SCAF11: variants seen among roughly 807,000 people sequenced by gnomAD.
SCAF11 encodes the protein protein SCAF11.
SCAF11 carries 47 observed loss-of-function variants against 140.5 expected under a neutral mutation model. That is an observed-to-expected ratio of 0.33 (90% CI 0.26 to 0.43). The LOEUF is 0.43. SCAF11 is among the 20% of genes least tolerant of loss of function. The pLI is 1.00. For missense variants in SCAF11, 1,645 were observed against 1,705.1 expected (o/e 0.96, Z 0.62); for synonymous variants, 557 against 579.4 (o/e 0.96, Z 0.55).
intron 6 of SCAF11, among the ~76,000 whole-genome samples, chr12:45,941,403 C>T (rs1405366061): frequency 6.6e-6 from 1 of 152,162 alleles, no homozygotes; most frequent in Non-Finnish European, 1.5e-5. Context: ...AGTTACCATT[C>T]TCCCTTTTTC....
intron 2 of SCAF11, 29 bp from the exon 3 acceptor site, chr12:45,961,886 T>C: frequency 6.4e-7 from 1 of 1,561,146 alleles, no homozygotes; most frequent in Non-Finnish European, 8.7e-7. Context: ...CATATGTGCT[T>C]TCAAGTTCTC....
At position 45,928,143 on chromosome 12, in the gene SCAF11, C is replaced by G. The variant is rs1389715409; in HGVS notation, c.1558G>C (p.Gly520Arg). 1 of 1,613,962 alleles carries G rather than the reference C, an allele frequency of 6.2e-7. No homozygotes were observed. The highest frequency in any genetic ancestry group is 8.5e-7 in the Non-Finnish European group (1 of 1,179,980). ...TGGTCTTGCTTTTCCAATGGATCAC[C>G]TCCTTTTTCAAGAATATTTTCAGAA... ...EISENILEKG[G>R]DPLEKQDQIS... Residue 520 changes from glycine (G) to arginine (R), a missense_variant, in exon 11 of 15, where the codon GGT becomes CGT. Around this residue, in one of 2 missense-constraint regions of SCAF11, gnomAD observed 1,582 missense variants for 1,609.2 expected, o/e 0.98. Coordinates refer to ENST00000369367, the MANE Select transcript of SCAF11 (RefSeq NM_004719.3).
rs753979039 is a variant in SCAF11, at chr12:45,925,023, G to C, written c.3611C>G (p.Pro1204Arg). 4.3e-6 allele frequency: 7 copies of C among 1,613,998 alleles called. No individual in the cohort carries two copies. In the South Asian group the frequency reaches 6.6e-5, roughly 15 times the overall value. Residue 1204 changes from proline (P) to arginine (R), a missense_variant, in exon 12 of 15, where the codon CCT becomes CGT. Pro to Arg is a moderately radical substitution (Grantham distance 103). Around this residue, in one of 2 missense-constraint regions of SCAF11, gnomAD observed 1,582 missense variants for 1,609.2 expected, o/e 0.98. Transcript: ENST00000369367. The stretch of plus-strand genomic sequence containing the variant: ...CATTTGCGGTTGCATCATATTTATA[G>C]GTAGCTGAGAACCATCAACTTGCTG... Reference protein sequence around the residue: ...TNQQVDGSQLPINMMQPQMNV... With the variant: ...TNQQVDGSQLRINMMQPQMNV...
intron 1 of SCAF11, among the ~76,000 whole-genome samples, chr12:45,979,263 G>C (rs1266755644): frequency 6.6e-6 from 1 of 151,552 alleles, no homozygotes; most frequent in Non-Finnish European, 1.5e-5. Context: ...TTGCATTCAG[G>C]ATTAAGTTTC....
chr12:45,928,057 AT>A lies in SCAF11; in HGVS notation c.1643del (p.Asn548MetfsTer7), dbSNP rs1565660835. 6.2e-7 allele frequency: 1 copy of A among 1,613,862 alleles called. No homozygotes were observed. On this transcript the variant is annotated frameshift_variant, in exon 11 of 15. Coordinates refer to ENST00000369367, the MANE Select transcript of SCAF11 (RefSeq NM_004719.3). LOFTEE classifies it high-confidence loss of function. ...KTDVCTVHLP[N>X]DFPTCLTSES... Reference sequence around the variant, plus strand: ...CAGATGTTAAACATGTAGGAAAATCATTTGGAAGATGAACTGTACATACATC... The same window carrying A: ...CAGATGTTAAACATGTAGGAAAATCATTGGAAGATGAACTGTACATACATC...
In SCAF11 at chr12:45,927,047, C is replaced by G; in HGVS notation, c.2654G>C (p.Arg885Thr). The G allele has an allele frequency of 6.2e-7, 1 of 1,614,070 alleles. No individual in the cohort carries two copies. The highest frequency in any genetic ancestry group is 8.5e-7 in the Non-Finnish European group (1 of 1,180,018). ...TCTTTTGTTCTCTCTAGAAGTTTCT[C>G]TTCTTGGGGACAGTGATTCAGATCT... Reference protein sequence around the residue: ...SRRSESLSPRRETSRENKRSQ... With the variant: ...SRRSESLSPRTETSRENKRSQ... Residue 885 changes from arginine to threonine, a missense_variant, in exon 11 of 15, where the codon AGA becomes ACA. By Grantham distance (71) the Arg-to-Thr change is moderately conservative. Transcript: ENST00000369367.
chr12:45,958,185 G>A (rs1270230710), intron 3 of SCAF11, among the ~76,000 whole-genome samples: 2 of 151,980 alleles, frequency 1.3e-5, no homozygotes, highest in Non-Finnish European at 2.9e-5. Flanking sequence ...GATTAGAGGC[G>A]TGAGCCATCA....
chr12:45,968,051 C>T (rs927527635), intron 1 of SCAF11, among the ~76,000 whole-genome samples: 8 of 152,134 alleles, frequency 5.3e-5, no homozygotes, highest in Non-Finnish European at 8.8e-5. Flanking sequence ...GACTACCCTT[C>T]CTTGTAGTTA....
chr12:45,959,658 CT>C (rs1945778554), intron 3 of SCAF11, among the ~76,000 whole-genome samples: 1 of 152,166 alleles, frequency 6.6e-6, no homozygotes, highest in Non-Finnish European at 1.5e-5. Context: ...CACTTACATG[CT>C]TTGAAACATA....
At chr12:45,938,714 G>A (rs17096327) in intron 6 of SCAF11, among the ~76,000 whole-genome samples, 3,439 of 151,280 alleles carry the variant, frequency 0.023, 60 homozygotes, top group Non-Finnish European at 0.034. Context: ...CCTTTTGTAC[G>A]ATACAAACAA....
rs549237985 is a variant in SCAF11 at position 45,974,711 on chromosome 12, C to G, written c.-21-10523G>C. ...ACCTGTAATAGTTACTTCCTCCACA[C>G]AAGTTTTGAATCCCTAAAAGTCATC... On this transcript the variant is annotated intron_variant, in intron 1 of 14. Transcript: ENST00000369367. 75 of 159,940 alleles carry G rather than the reference C, an allele frequency of 4.7e-4. 1 individual carries two copies. Among genetic ancestry groups the G allele is most frequent in the African/African-American group, 1.8e-3 (73 of 41,670 alleles). The allele number at this position is 159,940 out of a possible 1,614,324, so 9.9% of individuals were successfully genotyped here. A position where few individuals can be genotyped will look rare whatever the true frequency, so the allele number is the denominator to read the frequency against.
At chr12:45,955,124 C>T (rs184942821) in intron 3 of SCAF11, 115 of 152,000 alleles carry the variant, frequency 7.6e-4, no homozygotes, top group African/African-American at 2.7e-3. Flanking sequence ...TAGTTAACAC[C>T]AAAAAATAAG....
At chr12:45,963,746 GTTC>G (rs1945876503) in intron 2 of SCAF11, among the ~76,000 whole-genome samples, 2 of 152,164 alleles carry the variant, frequency 1.3e-5, no homozygotes, top group Non-Finnish European at 1.5e-5. Flanking sequence ...GCATTCTTGG[GTTC>G]TTCTTCTGTT....
intron 1 of SCAF11, among the ~76,000 whole-genome samples, chr12:45,985,867 A>G (rs540662258): frequency 6.6e-6 from 1 of 152,304 alleles, no homozygotes; most frequent in East Asian, 1.9e-4. Flanking sequence ...GTTACACTCA[A>G]CAGAATTTTT....
chr12:45,978,570 T>C (rs1056585014), intron 1 of SCAF11, among the ~76,000 whole-genome samples: 3 of 152,124 alleles, frequency 2.0e-5, no homozygotes, highest in African/African-American at 7.2e-5. Context: ...ACAGGAGCAC[T>C]TGGGTCAACA....
At position 45,926,718 on chromosome 12, in the gene SCAF11, T is replaced by C. The variant is rs1308602360; in HGVS notation, c.2983A>G (p.Asn995Asp). Residue 995 changes from asparagine to aspartate, a missense_variant, in exon 11 of 15, where the codon AAT becomes GAT. Physicochemically the swap from Asn to Asp is conservative, Grantham distance 23. This residue lies in a region of SCAF11 where 1,582 missense variants were observed against 1,609.2 expected (regional missense o/e 0.98). Transcript: ENST00000369367. Reference sequence around the variant, plus strand: ...ATGTCATTTTTTTCTTTTCTTGTATTTTCATTCTGTTTCTCTGGGTCATTC... The same window carrying C: ...ATGTCATTTTTTTCTTTTCTTGTATCTTCATTCTGTTTCTCTGGGTCATTC... ...RKNDPEKQNE[N>D]TRKEKNDIHL... The C allele has an allele frequency of 1.2e-6, 2 of 1,613,352 alleles. No homozygotes were observed. Among genetic ancestry groups the C allele is most frequent in the South Asian group, 1.1e-5 (1 of 90,926 alleles).
At chr12:45,965,549 A>T (rs1945925217) in intron 1 of SCAF11, among the ~76,000 whole-genome samples, 1 of 152,192 alleles carries the variant, frequency 6.6e-6, no homozygotes, top group African/African-American at 2.4e-5. Context: ...CCTGGGCTCA[A>T]GCGATCCTCC....
intron 3 of SCAF11, chr12:45,956,185 T>C (rs1285685690): frequency 1.4e-6 from 1 of 716,636 alleles, no homozygotes; most frequent in Admixed American, 2.0e-5. Flanking sequence ...TGCTTATAGA[T>C]AGCTCCTCTT....
intron 11 of SCAF11, among the ~76,000 whole-genome samples, chr12:45,925,562 G>A (rs1340172420): frequency 3.3e-5 from 5 of 151,250 alleles, no homozygotes; most frequent in Non-Finnish European, 5.9e-5. Context: ...AAAACAAAAC[G>A]AACATTCACC....
Sources: allele counts gnomAD v4.1 joint callset (sites outside exome capture counted in the v4.1 genomes callset), GRCh38; gene constraint gnomAD v4.1.1; regional missense constraint gnomAD v4.1.1; transcripts MANE v1.5; gene names NCBI Gene and HGNC (gene_info 2026-07-23, HGNC 2026-07-21).